The following TRPM3 variants were observed in gnomAD, a reference collection of about 807,000 sequenced individuals.
The protein encoded by TRPM3 is transient receptor potential cation channel subfamily M member 3.
A neutral mutation model predicts 181.2 loss-of-function variants in TRPM3; 77 were observed. That is an observed-to-expected ratio of 0.42 (90% CI 0.35 to 0.51). The LOEUF is 0.51. TRPM3 is among the 20% of genes least tolerant of loss of function. The pLI is 0.01. For synonymous variants in TRPM3, 745 were observed against 796.4 expected (o/e 0.94, Z 1.09); for missense variants, 1,759 against 2,196.7 (o/e 0.80, Z 3.98).
At chr9:71,178,512 A>G (rs1339195533) in intron 1 of TRPM3, among the ~76,000 whole-genome samples, 1 of 152,154 alleles carries the variant, frequency 6.6e-6, no homozygotes, top group Non-Finnish European at 1.5e-5. Context: ...ACTAGTCCAC[A>G]TCAAAGATGT....
chr9:71,394,832 A>C (rs563350783), intron 1 of TRPM3, among the ~76,000 whole-genome samples: 1 of 152,352 alleles, frequency 6.6e-6, no homozygotes, highest in African/African-American at 2.4e-5. Context: ...GTCAATATAC[A>C]AACCTTCACC....
intron 1 of TRPM3, among the ~76,000 whole-genome samples, chr9:71,048,318 G>A (rs765779371): frequency 6.6e-6 from 1 of 152,128 alleles, no homozygotes; most frequent in Non-Finnish European, 1.5e-5. Flanking sequence ...GAGTACTTAG[G>A]TATTTGATCA....
chr9:71,446,158 C>T (rs2094200709), intron 1 of TRPM3, among the ~76,000 whole-genome samples: 1 of 152,164 alleles, frequency 6.6e-6, no homozygotes, highest in Admixed American at 6.5e-5. Flanking sequence ...CAAATGACAT[C>T]CTGCAAACAA....
chr9:71,182,321 C>G (rs1465190255), intron 1 of TRPM3, among the ~76,000 whole-genome samples: 1 of 152,050 alleles, frequency 6.6e-6, no homozygotes, highest in South Asian at 2.1e-4. Flanking sequence ...GCACACAACT[C>G]CCTCTCCATG....
At chr9:71,171,589 T>G (rs537304648) in intron 1 of TRPM3, among the ~76,000 whole-genome samples, 1 of 152,204 alleles carries the variant, frequency 6.6e-6, no homozygotes, top group South Asian at 2.1e-4. Flanking sequence ...GGTCAGAAAT[T>G]AAGTCACAAT....
intron 1 of TRPM3, among the ~76,000 whole-genome samples, chr9:70,931,948 C>T (rs774922699): frequency 7.2e-5 from 11 of 152,160 alleles, no homozygotes; most frequent in Non-Finnish European, 1.6e-4. Flanking sequence ...GTTCAAAACA[C>T]ATGTTTATCA....
At chr9:71,180,864 T>C (rs1211330657) in intron 1 of TRPM3, among the ~76,000 whole-genome samples, 1 of 152,102 alleles carries the variant, frequency 6.6e-6, no homozygotes, top group African/African-American at 2.4e-5. Context: ...GCTCCTCACC[T>C]CCCCTCAAAA....
At chr9:71,144,563 A>G (rs1261099617) in intron 1 of TRPM3, among the ~76,000 whole-genome samples, 2 of 152,152 alleles carry the variant, frequency 1.3e-5, no homozygotes, top group African/African-American at 2.4e-5. Context: ...ATATGGGTCA[A>G]TTACATTTCC....
At chr9:70,790,437 G>T (rs1358736924) in intron 6 of TRPM3, among the ~76,000 whole-genome samples, 8 of 152,192 alleles carry the variant, frequency 5.3e-5, no homozygotes, top group African/African-American at 1.9e-4. Flanking sequence ...GCATGTCCCA[G>T]TAACATGAAC....
At chr9:70,981,881 A>T (rs1311670663) in intron 1 of TRPM3, among the ~76,000 whole-genome samples, 1 of 152,216 alleles carries the variant, frequency 6.6e-6, no homozygotes, top group Non-Finnish European at 1.5e-5. Context: ...TATTATCCCC[A>T]AACAAATTGG....
chr9:70,544,512 A>T (rs888595314), intron 25 of TRPM3, among the ~76,000 whole-genome samples: 2 of 152,018 alleles, frequency 1.3e-5, no homozygotes, highest in Non-Finnish European at 2.9e-5. Context: ...ACCAAAGGAG[A>T]GATGGTAGAG....
chr9:70,793,047 T>G (rs1156492976), intron 6 of TRPM3, among the ~76,000 whole-genome samples: 1 of 152,226 alleles, frequency 6.6e-6, no homozygotes, highest in Non-Finnish European at 1.5e-5. Flanking sequence ...ATTCTTTTAT[T>G]TACAAACATT....
intron 7 of TRPM3, among the ~76,000 whole-genome samples, chr9:70,767,501 C>T (rs1162966100): frequency 6.6e-6 from 1 of 152,118 alleles, no homozygotes; most frequent in Non-Finnish European, 1.5e-5. Context: ...TAAAACAGCA[C>T]TTATTTGTTG....
chr9:70,668,672 G>GAA (rs57929544), intron 9 of TRPM3, among the ~76,000 whole-genome samples: 1,149 of 86,514 alleles, frequency 0.013, 52 homozygotes, highest in African/African-American at 0.038. Context: ...CTCAAAAAAA[G>GAA]AAAAAAAAAA....
intron 1 of TRPM3, among the ~76,000 whole-genome samples, chr9:71,303,734 A>G (rs1211865556): frequency 6.6e-6 from 1 of 152,166 alleles, no homozygotes; most frequent in Non-Finnish European, 1.5e-5. Flanking sequence ...ACAGAGATAC[A>G]GAAAATAAAA....
chr9:70,535,287 A>C lies in TRPM3; in HGVS notation c.*666T>G, dbSNP rs2131564363. ...TCCCTTATTTTCTTCAAAAAAGGAT[A>C]AACAGTTGTGGCACCAGAAGTGAAT... On this transcript the variant is annotated 3_prime_UTR_variant, in exon 26 of 26. Coordinates refer to ENST00000677713, the MANE Select transcript of TRPM3 (RefSeq NM_001366145.2). 1 of 882,618 alleles carries C rather than the reference A, an allele frequency of 1.1e-6. No individual in the cohort carries two copies. The highest frequency in any genetic ancestry group is 2.7e-5 in the East Asian group (1 of 37,356). 54.7% of individuals were successfully genotyped at this position (882,618 alleles called of 1,614,324 possible). A position where few individuals can be genotyped will look rare whatever the true frequency, so the allele number is the denominator to read the frequency against.
chr9:70,781,092 A>T (rs7858981), intron 7 of TRPM3, among the ~76,000 whole-genome samples: 1 of 151,504 alleles, frequency 6.6e-6, no homozygotes, highest in Non-Finnish European at 1.5e-5. Flanking sequence ...TTGGGAGGCC[A>T]GGGTGGGAGG....
intron 1 of TRPM3, among the ~76,000 whole-genome samples, chr9:70,987,595 T>C (rs1312659041): frequency 1.3e-5 from 2 of 152,118 alleles, no homozygotes; most frequent in Non-Finnish European, 2.9e-5. Flanking sequence ...TGCACCAACC[T>C]AATAGAACTT....
At chr9:70,858,623 T>G (rs1343330820) in intron 3 of TRPM3, among the ~76,000 whole-genome samples, 1 of 152,068 alleles carries the variant, frequency 6.6e-6, no homozygotes, top group Non-Finnish European at 1.5e-5. Context: ...CTCATTTGGC[T>G]GATTAGACTC....
Sources: allele counts gnomAD v4.1 joint callset (sites outside exome capture counted in the v4.1 genomes callset), GRCh38; gene constraint gnomAD v4.1.1; transcripts MANE v1.5; gene names NCBI Gene and HGNC (gene_info 2026-07-23, HGNC 2026-07-21).